FBXO16: variants seen among roughly 807,000 people sequenced by gnomAD.
FBXO16 encodes F-box only protein 16.
FBXO16 carries 31 observed loss-of-function variants against 41.0 expected under a neutral mutation model. The ratio of observed to expected loss-of-function variants is 0.76; its 90% CI spans 0.57 to 1.02. The LOEUF (loss-of-function observed/expected upper bound fraction) is 1.02, where lower values mean the gene tolerates loss of function less well. FBXO16 is among the 50% of genes least tolerant of loss of function. The probability of loss-of-function intolerance (pLI) is 0.00; values close to 1 mark genes in which losing one functional copy is unlikely to be tolerated. For missense variants in FBXO16, 361 were observed against 346.2 expected (o/e 1.04, Z -0.34); for synonymous variants, 133 against 117.8 (o/e 1.13, Z -0.84).
At chr8:28,442,068 C>T (rs1376620879) in intron 7 of FBXO16, among the ~76,000 whole-genome samples, 2 of 150,996 alleles carry the variant, frequency 1.3e-5, no homozygotes, top group Non-Finnish European at 3.0e-5. Context: ...CTCAGCCTCC[C>T]AAGTAGCTGG....
At chr8:28,452,637 C>A (rs1802974430) in intron 5 of FBXO16, among the ~76,000 whole-genome samples, 161 bp from the exon 6 acceptor site, 1 of 152,100 alleles carries the variant, frequency 6.6e-6, no homozygotes, top group South Asian at 2.1e-4. Flanking sequence ...CCCGTCTCTA[C>A]TAAAAATACA....
At chr8:28,481,263 G>T (rs1454891250) in intron 2 of FBXO16, among the ~76,000 whole-genome samples, 1 of 152,226 alleles carries the variant, frequency 6.6e-6, no homozygotes, top group African/African-American at 2.4e-5. Flanking sequence ...AGAGGATGGA[G>T]TGGCAGGGAC....
chr8:28,484,044 G>C (rs1221302691), intron 1 of FBXO16, among the ~76,000 whole-genome samples: 1 of 152,078 alleles, frequency 6.6e-6, no homozygotes, highest in Non-Finnish European at 1.5e-5. Flanking sequence ...CCCTGTCCAA[G>C]GTCATACAGA....
intron 4 of FBXO16, among the ~76,000 whole-genome samples, chr8:28,457,891 C>T (rs181849010): frequency 7.0e-4 from 107 of 152,298 alleles, no homozygotes; most frequent in African/African-American, 2.2e-3. Context: ...GCTAATCCCA[C>T]CCATCCAGCA....
At position 28,470,396 on chromosome 8, in the gene FBXO16, A is replaced by C. The variant is rs544182984; in HGVS notation, c.135+3376T>G. Among the ~76,000 whole-genome samples the C allele has an allele frequency of 2.0e-3, 306 of 152,326 alleles. 3 individuals carry two copies. The highest frequency in any genetic ancestry group is 7.2e-3 in the African/African-American group (298 of 41,574). Reference sequence around the variant, plus strand: ...CCAATAGGAAGAAAGAAAAAGGAGGAGGAGGAGCAATATCTTGGCACATGC... The same window carrying C: ...CCAATAGGAAGAAAGAAAAAGGAGGCGGAGGAGCAATATCTTGGCACATGC... On this transcript the variant is annotated intron_variant, in intron 3 of 8. Transcript: ENST00000380254.
At chr8:28,469,532 C>CAT (rs1219400306) in intron 3 of FBXO16, among the ~76,000 whole-genome samples, 1 of 152,284 alleles carries the variant, frequency 6.6e-6, no homozygotes, top group Non-Finnish European at 1.5e-5. Context: ...CACACACACA[C>CAT]ATATCTCCAT....
At chr8:28,480,234 C>T (rs575475080) in intron 2 of FBXO16, among the ~76,000 whole-genome samples, 1 of 152,172 alleles carries the variant, frequency 6.6e-6, no homozygotes, top group South Asian at 2.1e-4. Context: ...CTATTCCAAT[C>T]TCTACCTTGG....
rs1262449509 is a variant in FBXO16 at position 28,429,447 on chromosome 8, A to G, written c.844-44T>C. On this transcript the variant is annotated intron_variant, in intron 7 of 8. Coordinates refer to ENST00000380254, the MANE Select transcript of FBXO16 (RefSeq NM_172366.4). ...GGGAAGAGAATGGAGAGAGGAAAAG[A>G]AAGAAATAATCCGAGCTGAGCTTGA... is the stretch of plus-strand genomic sequence containing the variant. 3 of 1,611,548 alleles carry G rather than the reference A, an allele frequency of 1.9e-6. No individual in the cohort carries two copies. The African/African-American group carries it at 4.0e-5, about 21-fold the overall frequency.
chr8:28,485,275 C>T (rs1002916305), intron 1 of FBXO16, among the ~76,000 whole-genome samples: 13 of 152,154 alleles, frequency 8.5e-5, no homozygotes, highest in Non-Finnish European at 1.6e-4. Flanking sequence ...CAGGTTCAAG[C>T]GCTTCTCCTG....
At chr8:28,462,380 G>A (rs943904792) in intron 4 of FBXO16, among the ~76,000 whole-genome samples, 1 of 150,090 alleles carries the variant, frequency 6.7e-6, no homozygotes, top group African/African-American at 2.5e-5. Context: ...CCAGGTTCAC[G>A]CCATTCTCCT....
chr8:28,435,070 G>A (rs1033961854), intron 7 of FBXO16, among the ~76,000 whole-genome samples: 2 of 152,188 alleles, frequency 1.3e-5, no homozygotes, highest in Non-Finnish European at 2.9e-5. Context: ...AAAGGCCAGT[G>A]TGACAACCTT....
intron 3 of FBXO16, among the ~76,000 whole-genome samples, chr8:28,472,908 G>A (rs1803361696): frequency 6.6e-6 from 1 of 152,120 alleles, no homozygotes; most frequent in South Asian, 2.1e-4. Flanking sequence ...CTTAACTCTT[G>A]ACCCTGACAG....
At chr8:28,454,927 T>C (rs1803015398) in intron 5 of FBXO16, among the ~76,000 whole-genome samples, 1 of 152,014 alleles carries the variant, frequency 6.6e-6, no homozygotes, top group Non-Finnish European at 1.5e-5. Flanking sequence ...ATGCTTTTGT[T>C]TGGATATATT....
chr8:28,484,841 C>G (rs991137809), intron 1 of FBXO16, among the ~76,000 whole-genome samples: 5 of 152,024 alleles, frequency 3.3e-5, no homozygotes, highest in African/African-American at 1.2e-4. Flanking sequence ...GATCCACCCC[C>G]CCTGGGCCTC....
chr8:28,430,421 G>T (rs992462379), intron 7 of FBXO16, among the ~76,000 whole-genome samples: 1 of 152,162 alleles, frequency 6.6e-6, no homozygotes, highest in Non-Finnish European at 1.5e-5. Flanking sequence ...TCTGCCTATA[G>T]TAGGTGCAGA....
intron 4 of FBXO16, among the ~76,000 whole-genome samples, chr8:28,461,747 T>C (rs1490334757): frequency 1.3e-5 from 2 of 152,212 alleles, no homozygotes; most frequent in Admixed American, 6.5e-5. Flanking sequence ...TCACGATACA[T>C]AAAATGAAGA....
At chr8:28,441,253 C>T (rs751583056) in intron 7 of FBXO16, among the ~76,000 whole-genome samples, 1 of 152,136 alleles carries the variant, frequency 6.6e-6, no homozygotes, top group Admixed American at 6.6e-5. Context: ...CTCTTCCCTT[C>T]CAGGAGCAGA....
intron 2 of FBXO16, among the ~76,000 whole-genome samples, chr8:28,479,289 C>G (rs1237053151): frequency 1.3e-5 from 2 of 152,126 alleles, no homozygotes; most frequent in Non-Finnish European, 2.9e-5. Flanking sequence ...GCATCTGACC[C>G]TTTTCTCTCC....
At chr8:28,457,768 T>C (rs1200197545) in intron 4 of FBXO16, among the ~76,000 whole-genome samples, 1 of 152,182 alleles carries the variant, frequency 6.6e-6, no homozygotes, top group Non-Finnish European at 1.5e-5. Context: ...TTTCACTAAA[T>C]ATAAATTTTA....
Sources: gnomAD v4.1 joint callset for allele counts (sites outside exome capture counted in the v4.1 genomes callset) on GRCh38, gnomAD v4.1.1 for gene constraint, MANE v1.5 for transcripts, NCBI Gene and HGNC (gene_info 2026-07-23, HGNC 2026-07-21) for gene names.